Variants in HTR2C observed in about 807,000 individuals in gnomAD.
The protein encoded by HTR2C is 5-hydroxytryptamine (serotonin) receptor 2C, G protein-coupled.
HTR2C carries 5 observed loss-of-function variants against 21.0 expected under a neutral mutation model. The ratio of observed to expected loss-of-function variants is 0.24; its 90% CI spans 0.12 to 0.50. HTR2C has a LOEUF of 0.50. Among genes scored for constraint, HTR2C ranks in the 20% least tolerant of loss-of-function variants. HTR2C has a pLI of 0.98. For missense variants in HTR2C, 271 were observed against 371.2 expected, an observed-to-expected ratio of 0.73 and a Z score of 2.22; for synonymous variants, 150 against 145.3, an observed-to-expected ratio of 1.03 and a Z score of -0.23.
intron 1 of HTR2C, among the ~76,000 whole-genome samples, chrX:114,611,708 C>A (rs1339053102): frequency 9.0e-6 from 1 of 110,601 alleles, no homozygotes; most frequent in East Asian, 2.8e-4. Flanking sequence ...TAGTTTTTTT[C>A]TTTTTTTGAG....
intron 2 of HTR2C, among the ~76,000 whole-genome samples, chrX:114,674,097 C>A (rs1197340903): frequency 8.9e-6 from 1 of 112,052 alleles, no homozygotes; most frequent in Non-Finnish European, 1.9e-5. Flanking sequence ...GCAGGGGCAC[C>A]TTTTAACTCA....
rs1008273734 is a variant in HTR2C at position 114,908,889 on chromosome X, A to G, written c.*1474A>G. ...GTGTTTCTAGTAACAGTATTTCCAT[A>G]CGTGCCCATTTCACACAACTGTGGA... On this transcript the variant is annotated 3_prime_UTR_variant, in exon 6 of 6. Coordinates refer to ENST00000276198, the MANE Select transcript of HTR2C (RefSeq NM_000868.4). 1 of 112,679 alleles carries G rather than the reference A, an allele frequency of 8.9e-6. No homozygotes were observed. The highest frequency in any genetic ancestry group is 9.4e-5 in the Admixed American group (1 of 10,592). 9.3% of individuals were successfully genotyped at this position (112,679 alleles called of 1,213,427 possible).
chrX:114,604,250 A>G (rs1396315688), intron 1 of HTR2C, among the ~76,000 whole-genome samples: 1 of 110,208 alleles, frequency 9.1e-6, no homozygotes, highest in Non-Finnish European at 1.9e-5. Flanking sequence ...GGAAGCAGGT[A>G]ATTTAGTTAA....
intron 5 of HTR2C, among the ~76,000 whole-genome samples, chrX:114,857,439 C>G (rs2070971843): frequency 9.0e-6 from 1 of 111,345 alleles, no homozygotes; most frequent in Non-Finnish European, 1.9e-5. Context: ...TAATTGTGTT[C>G]TGGCAAGTAT....
chrX:114,863,280 T>C (rs782566024), intron 5 of HTR2C, among the ~76,000 whole-genome samples: 1 of 111,352 alleles, frequency 9.0e-6, no homozygotes, highest in Non-Finnish European at 1.9e-5. Context: ...CTGTTTTCCA[T>C]AGTGGCAGTA....
intron 4 of HTR2C, among the ~76,000 whole-genome samples, chrX:114,810,994 G>A (rs1458342270): frequency 9.0e-6 from 1 of 111,352 alleles, no homozygotes; most frequent in Admixed American, 9.6e-5. Flanking sequence ...TTACATAAAT[G>A]TACACCAATA....
At chrX:114,588,752 A>C (rs782503879) in intron 1 of HTR2C, among the ~76,000 whole-genome samples, 4 of 112,333 alleles carry the variant, frequency 3.6e-5, no homozygotes, top group Admixed American at 1.9e-4. Context: ...AGACTCACTG[A>C]ATACTCTTCA....
chrX:114,648,465 C>A (rs1458088166), intron 2 of HTR2C, among the ~76,000 whole-genome samples: 1 of 111,830 alleles, frequency 8.9e-6, no homozygotes, highest in Non-Finnish European at 1.9e-5. Flanking sequence ...CCGTGACTCA[C>A]CTCTGTAATC....
At chrX:114,599,321 A>T in intron 1 of HTR2C, among the ~76,000 whole-genome samples, 1 of 112,024 alleles carries the variant, frequency 8.9e-6, no homozygotes, top group East Asian at 2.8e-4. Flanking sequence ...AAATTAGATG[A>T]CTGACCAGTT....
At chrX:114,669,614 G>T (rs1264253051) in intron 2 of HTR2C, among the ~76,000 whole-genome samples, 2 of 111,600 alleles carry the variant, frequency 1.8e-5, no homozygotes, top group Non-Finnish European at 3.8e-5. Context: ...AAAATCACTT[G>T]GACCAGGGAG....
intron 4 of HTR2C, among the ~76,000 whole-genome samples, chrX:114,781,699 C>G (rs1443117341): frequency 9.2e-6 from 1 of 108,416 alleles, no homozygotes; most frequent in Non-Finnish European, 1.9e-5. Flanking sequence ...TAGTATCTCG[C>G]TATGTTGCCC....
chrX:114,697,466 T>C (rs1223975813), intron 2 of HTR2C, among the ~76,000 whole-genome samples: 2 of 112,638 alleles, frequency 1.8e-5, no homozygotes, highest in Non-Finnish European at 3.7e-5. Context: ...AACTTCTGAT[T>C]CTTTCCCAAA....
At chrX:114,730,816 A>G (rs1556423046) in intron 3 of HTR2C, among the ~76,000 whole-genome samples, 1 of 111,573 alleles carries the variant, frequency 9.0e-6, no homozygotes, top group African/African-American at 3.3e-5. Context: ...AGAATAGACT[A>G]TTACAGCAAA....
At chrX:114,687,974 C>T (rs1224952267) in intron 2 of HTR2C, among the ~76,000 whole-genome samples, 3 of 111,580 alleles carry the variant, frequency 2.7e-5, no homozygotes, top group Non-Finnish European at 5.6e-5. Flanking sequence ...AGAGGAATTT[C>T]CATTTGCTTC....
chrX:114,713,253 G>T (rs1481264012), intron 2 of HTR2C, among the ~76,000 whole-genome samples: 3 of 110,633 alleles, frequency 2.7e-5, no homozygotes, highest in Admixed American at 9.7e-5. Context: ...ATTTCACATT[G>T]CTTCAGTATC....
chrX:114,767,259 CG>C (rs2069955723), intron 4 of HTR2C, among the ~76,000 whole-genome samples: 1 of 110,524 alleles, frequency 9.0e-6, no homozygotes, highest in Non-Finnish European at 1.9e-5. Flanking sequence ...ATTCTGAGTT[CG>C]TACTTAGAGT....
intron 4 of HTR2C, among the ~76,000 whole-genome samples, chrX:114,821,705 A>G: frequency 9.0e-6 from 1 of 111,053 alleles, no homozygotes; most frequent in Non-Finnish European, 1.9e-5. Flanking sequence ...TATTAAGAAG[A>G]TTACTATAAA....
chrX:114,728,525 T>G (rs1201002358), intron 3 of HTR2C, among the ~76,000 whole-genome samples: 1 of 111,401 alleles, frequency 9.0e-6, no homozygotes, highest in Non-Finnish European at 1.9e-5. Flanking sequence ...CAATAAAAAT[T>G]TATTAAACTG....
intron 1 of HTR2C, among the ~76,000 whole-genome samples, chrX:114,600,843 C>T (rs1243868459): frequency 9.0e-6 from 1 of 111,513 alleles, no homozygotes; most frequent in Non-Finnish European, 1.9e-5. Flanking sequence ...TATGTAAGAT[C>T]CAATTTTAAA....
Sources: allele counts gnomAD v4.1 joint callset (sites outside exome capture counted in the v4.1 genomes callset), GRCh38; gene constraint gnomAD v4.1.1; transcripts MANE v1.5; gene names NCBI Gene and HGNC (gene_info 2026-07-23, HGNC 2026-07-21).